Variants in LOC400499 observed in about 807,000 individuals in gnomAD.
the LOC400499 span, chr16:11,387,420 G>T: frequency 2.7e-6 from 2 of 733,362 alleles, no homozygotes; most frequent in Non-Finnish European, 3.8e-6. Flanking sequence ...GCCTTTCAGG[G>T]AGGGGCTGTC....
the LOC400499 span, among the ~76,000 whole-genome samples, chr16:11,406,884 C>G: frequency 6.6e-6 from 1 of 152,220 alleles, no homozygotes; most frequent in Non-Finnish European, 1.5e-5. Context: ...ATAGTACTAT[C>G]TGGCATATTT....
the LOC400499 span, chr16:11,460,336 T>C: frequency 3.4e-4 from 374 of 1,114,748 alleles, 2 homozygotes; most frequent in Admixed American, 1.7e-3. Context: ...GAGACTGAAG[T>C]TCCAGCCCCG....
chr16:11,504,552 TC>T, the LOC400499 span, among the ~76,000 whole-genome samples: 21 of 142,986 alleles, frequency 1.5e-4, no homozygotes, highest in South Asian at 1.1e-3. Context: ...CGAGACTCCG[TC>T]CCCCCCCCCA....
the LOC400499 span, chr16:11,396,731 C>T: frequency 4.8e-5 from 58 of 1,209,032 alleles, no homozygotes; most frequent in Non-Finnish European, 5.9e-5. Flanking sequence ...CTTCCTCTCT[C>T]CCCAGTCCCC....
the LOC400499 span, among the ~76,000 whole-genome samples, chr16:11,490,695 C>T: frequency 5.9e-5 from 9 of 152,032 alleles, no homozygotes; most frequent in Non-Finnish European, 8.8e-5. Flanking sequence ...AGCGAGACTC[C>T]GTCTCAAAAA....
chr16:11,405,585 G>A, the LOC400499 span, among the ~76,000 whole-genome samples: 2 of 152,160 alleles, frequency 1.3e-5, no homozygotes, highest in Admixed American at 6.5e-5. Context: ...GGGTGCCACA[G>A]TCCGAGGGTG....
chr16:11,381,992 G>A, the LOC400499 span, among the ~76,000 whole-genome samples: 2,948 of 151,836 alleles, frequency 0.019, 57 homozygotes, highest in Middle Eastern at 0.13. Flanking sequence ...GTTCAGGCTG[G>A]AGTGCAGTGG....
the LOC400499 span, among the ~76,000 whole-genome samples, chr16:11,447,266 G>C: frequency 1.3e-5 from 2 of 152,172 alleles, no homozygotes; most frequent in Non-Finnish European, 2.9e-5. Context: ...GGACTTGACT[G>C]TTCTGTGCCT....
chr16:11,414,031 C>A, the LOC400499 span, among the ~76,000 whole-genome samples: 5 of 152,188 alleles, frequency 3.3e-5, no homozygotes, highest in South Asian at 6.2e-4. Context: ...GGGGGCTGGG[C>A]ACAGGGCAGG....
chr16:11,402,909 G>A, the LOC400499 span, among the ~76,000 whole-genome samples: 1 of 152,052 alleles, frequency 6.6e-6, no homozygotes, highest in Non-Finnish European at 1.5e-5. Context: ...CAGGTGCCCT[G>A]TGCCCCCTCG....
At chr16:11,461,219 TGG>T in the LOC400499 span, 1 of 1,402,818 alleles carries the variant, frequency 7.1e-7, no homozygotes, top group East Asian at 2.5e-5. Flanking sequence ...CGAGGGGCCT[TGG>T]GGTTGGGGGC....
chr16:11,376,959 AGAT>A, the LOC400499 span, among the ~76,000 whole-genome samples: 1 of 133,422 alleles, frequency 7.5e-6, no homozygotes, highest in African/African-American at 2.6e-5. Context: ...TTTTTTTTAA[AGAT>A]GATGTCTCAC....
the LOC400499 span, chr16:11,478,467 C>T: frequency 2.5e-6 from 1 of 398,698 alleles, no homozygotes; most frequent in Non-Finnish European, 4.4e-6. Flanking sequence ...AAATTTCATG[C>T]CCTTAAGTGC....
chr16:11,446,841 G>A, the LOC400499 span: 1 of 1,536,100 alleles, frequency 6.5e-7, no homozygotes, highest in Non-Finnish European at 8.7e-7. Context: ...AATAGCGCTG[G>A]TGTCGCCTAT....
the LOC400499 span, among the ~76,000 whole-genome samples, chr16:11,516,984 A>C: frequency 6.6e-6 from 1 of 152,198 alleles, no homozygotes; most frequent in Admixed American, 6.5e-5. Flanking sequence ...ATTTGTTGAG[A>C]AACAGCAAAT....
the LOC400499 span, among the ~76,000 whole-genome samples, chr16:11,512,289 T>A: frequency 9.2e-5 from 13 of 141,154 alleles, no homozygotes; most frequent in East Asian, 1.5e-3. Flanking sequence ...CTCAAAAAAA[T>A]AAATAAATAA....
At chr16:11,386,872 G>A in the LOC400499 span, among the ~76,000 whole-genome samples, 6 of 152,246 alleles carry the variant, frequency 3.9e-5, no homozygotes, top group East Asian at 3.8e-4. Context: ...AGCAGTGCCC[G>A]CAGGGAGGGA....
At chr16:11,467,609 C>G in the LOC400499 span, among the ~76,000 whole-genome samples, 1 of 151,876 alleles carries the variant, frequency 6.6e-6, no homozygotes, top group Admixed American at 6.6e-5. Context: ...AAGACCCTGC[C>G]TCAAAAAAAG....
the LOC400499 span, chr16:11,393,534 A>G: frequency 1.6e-6 from 2 of 1,232,314 alleles, no homozygotes; most frequent in Middle Eastern, 3.1e-4. Context: ...CAGTAGGCCA[A>G]CCCGCTGAGC....
Sources: allele counts gnomAD v4.1 joint callset (sites outside exome capture counted in the v4.1 genomes callset), GRCh38; gene constraint gnomAD v4.1.1; transcripts MANE v1.5.